Variants in GSDMA observed in about 807,000 individuals in gnomAD.
GSDMA encodes gasdermin-A.
In GSDMA, 55 loss-of-function variants were observed where a neutral mutation model predicts 54.3. The ratio of observed to expected loss-of-function variants is 1.01; its 90% CI spans 0.82 to 1.27. The LOEUF (loss-of-function observed/expected upper bound fraction) is 1.27, where lower values mean the gene tolerates loss of function less well. Among genes scored for constraint, GSDMA ranks in the 50% most tolerant of loss-of-function variants. GSDMA has a pLI of 0.00. For missense variants in GSDMA, 542 were observed against 542.6 expected (o/e 1.00, Z 0.01); for synonymous variants, 211 against 224.7 (o/e 0.94, Z 0.54).
rs1245637112 is a variant in GSDMA at position 39,977,287 on chromosome 17, C to CTTTTT, written c.*233_*234insTTTTT. 4.8e-4 allele frequency: 142 copies of CTTTTT among 296,376 alleles called. 21 individuals carry two copies. Among genetic ancestry groups the CTTTTT allele is most frequent in the African/African-American group, 2.0e-3 (69 of 35,290 alleles). 18.4% of individuals were successfully genotyped at this position (296,376 alleles called of 1,614,324 possible). A position where few individuals can be genotyped will look rare whatever the true frequency, so the allele number is the denominator to read the frequency against. ...TGATGCTTAAATTTTCTTTACTTTT[C>CTTTTT]TTTTCTTTTTTTTTTTTTTTTTGAG... On this transcript the variant is annotated 3_prime_UTR_variant, in exon 12 of 12. Transcript: ENST00000301659.
intron 1 of GSDMA, among the ~76,000 whole-genome samples, chr17:39,963,723 A>G (rs1979513549): frequency 6.6e-6 from 1 of 152,170 alleles, no homozygotes; most frequent in Non-Finnish European, 1.5e-5. Flanking sequence ...GCATGGTGGC[A>G]GGCGCCTGTA....
intron 6 of GSDMA, 136 bp from the exon 7 acceptor site, chr17:39,972,451 C>A: frequency 1.2e-6 from 1 of 817,150 alleles, no homozygotes. Flanking sequence ...GTTCCCGAAT[C>A]ATGGGGGTGG....
chr17:39,971,475 C>A, intron 4 of GSDMA, 49 bp from the exon 5 acceptor site: 1 of 1,466,598 alleles, frequency 6.8e-7, no homozygotes, highest in South Asian at 1.1e-5. Flanking sequence ...CCCAATATCT[C>A]ATACTTAAGA....
chr17:39,974,929 A>G lies in GSDMA; in HGVS notation c.936A>G (p.Glu312=), dbSNP rs764377895. The change falls in exon 10 of 12, where the codon GAA becomes GAG. Residue 312 remains glutamate, a synonymous_variant. Transcript: ENST00000301659. Reference sequence around the variant, plus strand: ...AAGGGGCTCTAGACAAGGGACATGAAGTGACCCTGGAGGCACTCCCAAAAG... The same window carrying G: ...AAGGGGCTCTAGACAAGGGACATGAGGTGACCCTGGAGGCACTCCCAAAAG... The part of the protein sequence containing the change: ...ALEGALDKGH[E]VTLEALPKDV... 2.0e-5 allele frequency: 32 copies of G among 1,611,080 alleles called. No individual in the cohort carries two copies. The highest frequency in any genetic ancestry group is 2.5e-5 in the Non-Finnish European group (30 of 1,178,430).
chr17:39,966,247 T>C lies in GSDMA; in HGVS notation c.215-13T>C. On this transcript the variant is annotated splice_polypyrimidine_tract_variant and intron_variant, in intron 2 of 11. Transcript: ENST00000301659. ...CAGCCAGCCCAGCCCCTTTTGTCTTTTCCCTCCTGCAGACCCAACAGACAC... is the reference window on the plus strand; with the variant it reads ...CAGCCAGCCCAGCCCCTTTTGTCTTCTCCCTCCTGCAGACCCAACAGACAC... The C allele has an allele frequency of 6.2e-7, 1 of 1,613,704 alleles. No individual in the cohort carries two copies. Among genetic ancestry groups the C allele is most frequent in the Admixed American group, 1.7e-5 (1 of 59,944 alleles).
chr17:39,972,146 AATG>A lies in GSDMA; in HGVS notation c.676_678del (p.Asp226del). On this transcript the variant is annotated inframe_deletion, in exon 6 of 12. Transcript: ENST00000301659. ...CTTCACAGATATTCCACATATCTGC[AATG>A]ATAACATGCAAACCTTCCCTCCTGG... 1 of 1,551,390 alleles carries A rather than the reference AATG, an allele frequency of 6.4e-7. No homozygotes were observed. Among genetic ancestry groups the A allele is most frequent in the Non-Finnish European group, 8.8e-7 (1 of 1,140,330 alleles).
intron 3 of GSDMA, 133 bp downstream of exon 3, chr17:39,966,570 C>G: frequency 1.3e-6 from 1 of 775,984 alleles, no homozygotes; most frequent in Admixed American, 3.4e-5. Context: ...CAGGGGAGCT[C>G]TTGGAGGCAA....
At chr17:39,969,577 C>T (rs971412597) in intron 3 of GSDMA, among the ~76,000 whole-genome samples, 4 of 152,062 alleles carry the variant, frequency 2.6e-5, no homozygotes, top group South Asian at 2.1e-4. Context: ...CAGCGTTGCA[C>T]GGAGGGTTTC....
chr17:39,968,342 T>G, intron 3 of GSDMA, among the ~76,000 whole-genome samples: 1 of 107,546 alleles, frequency 9.3e-6, no homozygotes, highest in African/African-American at 4.2e-5. Context: ...GCCCGGTCTT[T>G]TTTTTTTTTT....
chr17:39,975,141 T>A, intron 10 of GSDMA, 127 bp downstream of exon 10: 1 of 651,050 alleles, frequency 1.5e-6, no homozygotes, highest in South Asian at 1.7e-5. Flanking sequence ...GTAGTTTATA[T>A]CTACATTTTT....
chr17:39,965,593 ACT>A, intron 1 of GSDMA, 88 bp from the exon 2 acceptor site: 2 of 905,058 alleles, frequency 2.2e-6, no homozygotes, highest in East Asian at 2.6e-5. Context: ...AGCCGGGTAA[ACT>A]CTCTCTGCAG....
In GSDMA at chr17:39,970,464, A is replaced by T. The variant is rs772110906; in HGVS notation, c.393-18A>T. On this transcript the variant is annotated intron_variant, in intron 3 of 11. Coordinates refer to ENST00000301659, the MANE Select transcript of GSDMA (RefSeq NM_178171.5). ...GGAAGGAGCTCTGAACGGTTCCCTT[A>T]TGTTTCTCCTGCAACAGGAAGCTGG... 3 of 1,559,538 alleles carry T rather than the reference A, an allele frequency of 1.9e-6. No individual in the cohort carries two copies. The highest frequency in any genetic ancestry group is 2.6e-6 in the Non-Finnish European group (3 of 1,152,206).
chr17:39,975,057 A>G, intron 10 of GSDMA, 43 bp downstream of exon 10: 2 of 1,045,876 alleles, frequency 1.9e-6, no homozygotes, highest in Non-Finnish European at 2.9e-6. Context: ...CTTTTCAGTA[A>G]TAGGAATGAA....
intron 7 of GSDMA, among the ~76,000 whole-genome samples, 182 bp from the exon 8 acceptor site, chr17:39,973,628 G>A (rs375079795): frequency 3.3e-5 from 5 of 151,874 alleles, no homozygotes; most frequent in African/African-American, 4.8e-5. Context: ...TCTGCAACTC[G>A]GCCGCCCAGC....
chr17:39,973,583 A>T (rs1598306645), intron 7 of GSDMA, among the ~76,000 whole-genome samples: 1 of 147,768 alleles, frequency 6.8e-6, no homozygotes, highest in South Asian at 2.2e-4. Context: ...AAAAAAAATT[A>T]AGAGTCTTAG....
At chr17:39,974,781 T>G in intron 9 of GSDMA, 119 bp from the exon 10 acceptor site, 1 of 688,558 alleles carries the variant, frequency 1.5e-6, no homozygotes. Flanking sequence ...ACATGAGGCC[T>G]CGAAAAAGAA....
Position 39,972,112 on chromosome 17 carries a change from TC to T in GSDMA, c.656-14del. On this transcript the variant is annotated splice_polypyrimidine_tract_variant and intron_variant, in intron 5 of 11. Coordinates refer to ENST00000301659, the MANE Select transcript of GSDMA (RefSeq NM_178171.5). ...CTGCTAAGTGTCCTCCCACCCTCCC[TC>T]CCTTGCCCTTCACAGATATTCCACA... 5.3e-6 allele frequency: 2 copies of T among 374,328 alleles called. No individual in the cohort carries two copies. The highest frequency in any genetic ancestry group is 1.0e-5 in the Non-Finnish European group (2 of 196,508). 23.2% of individuals were successfully genotyped at this position (374,328 alleles called of 1,614,324 possible).
rs113316026 is a variant in GSDMA, at chr17:39,970,264, C to T, written c.393-218C>T. ...TCTGAGCAACCCAGGAGGTCAGCAT[C>T]ATTATACTCATTTCATAGATGAGGC... On this transcript the variant is annotated intron_variant, in intron 3 of 11. Coordinates refer to ENST00000301659, the MANE Select transcript of GSDMA (RefSeq NM_178171.5). 2.3e-3 allele frequency among the ~76,000 whole-genome samples: 343 copies of T among 152,308 alleles called. 2 individuals are homozygous for T. The highest frequency in any genetic ancestry group is 7.9e-3 in the African/African-American group (328 of 41,556).
chr17:39,974,532 A>C, intron 9 of GSDMA, 105 bp downstream of exon 9: 1 of 1,296,776 alleles, frequency 7.7e-7, no homozygotes. Context: ...CGGGGGCAGG[A>C]GGTGGGTGGC....
Sources: allele counts gnomAD v4.1 joint callset (sites outside exome capture counted in the v4.1 genomes callset), GRCh38; gene constraint gnomAD v4.1.1; transcripts MANE v1.5; gene names NCBI Gene and HGNC (gene_info 2026-07-23, HGNC 2026-07-21).